Variants in NUP93 observed in about 807,000 individuals in gnomAD.
The protein encoded by NUP93 is nucleoporin 93, also known as nuclear pore complex protein Nup93.
NUP93 carries 55 observed loss-of-function variants against 107.8 expected under a neutral mutation model. The observed-to-expected ratio is 0.51, with a 90% CI of 0.41 to 0.64. The LOEUF is 0.64. Among genes scored for constraint, NUP93 ranks in the 30% least tolerant of loss-of-function variants. The pLI is 0.00. For synonymous variants in NUP93, 390 were observed against 397.5 expected, an observed-to-expected ratio of 0.98 and a Z score of 0.22; for missense variants, 937 against 1,044.7, an observed-to-expected ratio of 0.90 and a Z score of 1.42.
chr16:56,836,559 C>G, intron 16 of NUP93, 42 bp from the exon 17 acceptor site: 1 of 1,175,298 alleles, frequency 8.5e-7, no homozygotes, highest in Non-Finnish European at 1.3e-6. Context: ...GCTCTGTGCA[C>G]CCGTCTCTCT....
chr16:56,740,095 C>T (rs1234361766), intron 1 of NUP93, among the ~76,000 whole-genome samples: 1 of 134,610 alleles, frequency 7.4e-6, no homozygotes, highest in Admixed American at 7.3e-5. Flanking sequence ...CACCTCCCTC[C>T]CGGACGGGGC....
At chr16:56,811,175 G>A (rs1963308149) in intron 5 of NUP93, among the ~76,000 whole-genome samples, 1 of 152,184 alleles carries the variant, frequency 6.6e-6, no homozygotes, top group Non-Finnish European at 1.5e-5. Flanking sequence ...AGCATTAGCA[G>A]ATACTGCCAA....
chr16:56,814,157 G>A (rs76398404), intron 5 of NUP93, among the ~76,000 whole-genome samples: 16,622 of 152,126 alleles, frequency 0.11, 1,117 homozygotes, highest in Middle Eastern at 0.24. Flanking sequence ...CATTTTGCTA[G>A]GAGTGCTAGT....
At chr16:56,742,789 G>T (rs1307995994) in intron 1 of NUP93, among the ~76,000 whole-genome samples, 2 of 152,092 alleles carry the variant, frequency 1.3e-5, no homozygotes, top group Non-Finnish European at 2.9e-5. Flanking sequence ...AGTAACATAG[G>T]CTTAAGTCTA....
At chr16:56,793,813 G>C (rs1212441391) in intron 3 of NUP93, among the ~76,000 whole-genome samples, 3 of 152,148 alleles carry the variant, frequency 2.0e-5, no homozygotes, top group Admixed American at 2.0e-4. Context: ...TTTATACTTT[G>C]GGAGGCTGAG....
chr16:56,740,113 C>A (rs1961695475), intron 1 of NUP93, among the ~76,000 whole-genome samples: 1 of 136,456 alleles, frequency 7.3e-6, no homozygotes. Flanking sequence ...GGCGGCTGGC[C>A]AGGCGGGGGG....
In NUP93 at chr16:56,791,668, G is replaced by A. The variant is rs112363413; in HGVS notation, c.298-6808G>A. Among the ~76,000 whole-genome samples the A allele has an allele frequency of 3.3e-3, 506 of 152,284 alleles. 7 individuals are homozygous for A. The highest frequency in any genetic ancestry group is 0.012 in the African/African-American group (479 of 41,552). ...ACCTGAGCCATTTAAGATCCACTTT[G>A]GCTGCCAGGTCCTTGAGATGTGACT... On this transcript the variant is annotated intron_variant, in intron 3 of 21. Coordinates refer to ENST00000308159, the MANE Select transcript of NUP93 (RefSeq NM_014669.5).
chr16:56,793,980 C>T (rs1275548936), intron 3 of NUP93, among the ~76,000 whole-genome samples: 13 of 151,944 alleles, frequency 8.6e-5, no homozygotes, highest in African/African-American at 3.1e-4. Flanking sequence ...TGCTTGAACC[C>T]GGGAGGTGGA....
intron 19 of NUP93, 112 bp downstream of exon 19, chr16:56,839,181 T>C (rs1476722233): frequency 2.8e-6 from 2 of 712,326 alleles, no homozygotes; most frequent in Non-Finnish European, 4.7e-6. Flanking sequence ...ATGTTTGTTG[T>C]ATAAAGAAAG....
intron 3 of NUP93, among the ~76,000 whole-genome samples, chr16:56,767,661 G>A (rs1326888088): frequency 6.6e-6 from 1 of 152,144 alleles, no homozygotes; most frequent in African/African-American, 2.4e-5. Flanking sequence ...TTTGCTCAAG[G>A]TACCAAAATA....
In NUP93 at chr16:56,831,959, C is replaced by T. The variant is rs1305656376; in HGVS notation, c.1203C>T (p.Asp401=). Residue 401 remains aspartate (D), a synonymous_variant, in exon 11 of 22, where the codon GAC becomes GAT. Transcript: ENST00000308159. ...TCATTGGCAGATGTGACGTCACCGACAACCAGAGTGAAGTGGCGGACAAAA... is the reference window on the plus strand; with the variant it reads ...TCATTGGCAGATGTGACGTCACCGATAACCAGAGTGAAGTGGCGGACAAAA... ...YCIIGRCDVT[D]NQSEVADKTE... is the part of the protein sequence containing the mutation. 3.1e-6 allele frequency: 5 copies of T among 1,614,132 alleles called. No homozygotes were observed. Among genetic ancestry groups the T allele is most frequent in the Non-Finnish European group, 4.2e-6 (5 of 1,180,020 alleles).
intron 5 of NUP93, among the ~76,000 whole-genome samples, chr16:56,808,146 CTATA>C (rs1193131614): frequency 2.4e-5 from 2 of 85,018 alleles, no homozygotes; most frequent in African/African-American, 5.0e-5. Flanking sequence ...ATTTATATAA[CTATA>C]TATAATATAT....
rs1963813336 is a variant in NUP93 at position 56,832,373 on chromosome 16, T to C, written c.1330T>C (p.Leu444=). 6.2e-7 allele frequency: 1 copy of C among 1,613,580 alleles called. No homozygotes were observed. The highest frequency in any genetic ancestry group is 1.7e-5 in the Admixed American group (1 of 60,000). The change falls in exon 12 of 22, where the codon TTG becomes CTG. Residue 444 remains leucine (L), a synonymous_variant. Transcript: ENST00000308159. ...CACTCTCTCACAGTTCCAGAAGCAG[T>C]TGTTGGAAGACTATGGTAAGATTCT... ...RLTLSQFQKQ[L]LEDYGESHFT... is the part of the protein sequence containing the mutation.
Position 56,847,940 on chromosome 16 carries a change from C to T in NUP93, c.*3331C>T, listed in dbSNP as rs1188106584. The T allele has an allele frequency of 6.6e-6, 1 of 152,186 alleles. No individual in the cohort carries two copies. The highest frequency in any genetic ancestry group is 2.4e-5 in the African/African-American group (1 of 41,444). 9.4% of individuals were successfully genotyped at this position (152,186 alleles called of 1,614,324 possible). A position where few individuals can be genotyped will look rare whatever the true frequency, so the allele number is the denominator to read the frequency against. ...AAGCAAAGAACTACAGACTTTTCCG[C>T]AGTGTCCAGCATTTGCTGACCAAAA... On this transcript the variant is annotated 3_prime_UTR_variant, in exon 22 of 22. Coordinates refer to ENST00000308159, the MANE Select transcript of NUP93 (RefSeq NM_014669.5).
intron 1 of NUP93, among the ~76,000 whole-genome samples, chr16:56,740,294 T>C (rs1219696508): frequency 2.8e-5 from 4 of 143,620 alleles, no homozygotes; most frequent in African/African-American, 1.0e-4. Context: ...GCAGAGGGTC[T>C]CCTCACTTCT....
At chr16:56,736,398 T>C (rs191439726) in intron 1 of NUP93, among the ~76,000 whole-genome samples, 22 of 152,354 alleles carry the variant, frequency 1.4e-4, no homozygotes, top group Non-Finnish European at 2.1e-4. Flanking sequence ...TATCATGTTA[T>C]CTGAGTCTGT....
At chr16:56,771,978 G>A (rs776397573) in intron 3 of NUP93, among the ~76,000 whole-genome samples, 4 of 152,130 alleles carry the variant, frequency 2.6e-5, no homozygotes, top group Non-Finnish European at 5.9e-5. Flanking sequence ...GTTTTATGCT[G>A]GATACCACCT....
intron 3 of NUP93, among the ~76,000 whole-genome samples, chr16:56,776,369 T>C (rs552188433): frequency 6.6e-6 from 1 of 152,290 alleles, no homozygotes; most frequent in East Asian, 1.9e-4. Flanking sequence ...ATAATAAATA[T>C]GTGCAAAAAC....
intron 2 of NUP93, 67 bp downstream of exon 2, chr16:56,748,493 C>T (rs958116533): frequency 5.9e-6 from 8 of 1,365,618 alleles, no homozygotes; most frequent in Non-Finnish European, 8.0e-6. Context: ...TTCTTCTTTC[C>T]TGCCTTGAAT....
Sources: gnomAD v4.1 joint callset for allele counts (sites outside exome capture counted in the v4.1 genomes callset) on GRCh38, gnomAD v4.1.1 for gene constraint, MANE v1.5 for transcripts, NCBI Gene and HGNC (gene_info 2026-07-23, HGNC 2026-07-21) for gene names.